Variants in EHHADH observed in about 807,000 individuals in gnomAD.
EHHADH encodes peroxisomal bifunctional enzyme.
A neutral mutation model predicts 64.4 loss-of-function variants in EHHADH; 48 were observed. The ratio of observed to expected loss-of-function variants is 0.75; its 90% confidence interval spans 0.59 to 0.95. The LOEUF is 0.95. EHHADH is among the 40% of genes least tolerant of loss of function. The pLI, the probability that EHHADH is intolerant of heterozygous loss-of-function variation, is 0.00. For synonymous variants in EHHADH, 308 were observed against 326.7 expected, an observed-to-expected ratio of 0.94 and a Z score of 0.62; for missense variants, 854 against 876.6, an observed-to-expected ratio of 0.97 and a Z score of 0.33.
In EHHADH at chr3:185,248,414, C is replaced by T; in HGVS notation, c.178G>A (p.Gly60Ser). ...ICGAEGKFSA[G>S]ADIRGFSAPR... ...TGGGAGAGGGTTAGACTTGAGTTAC[C>T]TGCAGAAAATTTGCCCTCTGCTCCA... Residue 60 changes from glycine (G) to serine (S), a missense_variant and splice_region_variant, in exon 2 of 7, where the codon GGT becomes AGT. Transcript: ENST00000231887. 6.2e-7 allele frequency: 1 copy of T among 1,609,862 alleles called. No homozygotes were observed. Among genetic ancestry groups the T allele is most frequent in the African/African-American group, 1.3e-5 (1 of 74,938 alleles).
At chr3:185,235,179 C>CA in intron 3 of EHHADH, 111 bp downstream of exon 3, 8 of 1,156,114 alleles carry the variant, frequency 6.9e-6, no homozygotes, top group Non-Finnish European at 7.1e-6. Flanking sequence ...GACTCCATCT[C>CA]AAAAAAACAA....
At chr3:185,245,839 A>G in intron 2 of EHHADH, 1 of 868,960 alleles carries the variant, frequency 1.2e-6, no homozygotes, top group Admixed American at 1.9e-5. Flanking sequence ...GAGGTTGCAT[A>G]ACGAATTTCT....
At chr3:185,251,514 A>G (rs191768850) in intron 1 of EHHADH, among the ~76,000 whole-genome samples, 101 of 152,294 alleles carry the variant, frequency 6.6e-4, no homozygotes, top group African/African-American at 2.3e-3. Flanking sequence ...CTATACTTAT[A>G]AAGAGGGCTG....
intron 5 of EHHADH, among the ~76,000 whole-genome samples, chr3:185,214,390 G>A (rs922286000): frequency 3.9e-5 from 6 of 152,102 alleles, no homozygotes; most frequent in African/African-American, 9.7e-5. Context: ...TTAAGGTCCC[G>A]TAGCTAAAGC....
rs1402073749 is a variant in EHHADH, at chr3:185,191,530, T to C, written c.*696A>G. 6.6e-6 allele frequency: 1 copy of C among 152,234 alleles called. No individual in the cohort carries two copies. Among genetic ancestry groups the C allele is most frequent in the Non-Finnish European group, 1.5e-5 (1 of 68,044 alleles). 9.4% of individuals were successfully genotyped at this position (152,234 alleles called of 1,614,324 possible). The stretch of plus-strand genomic sequence containing the variant: ...TTTTAGATTTTTCAAGATTCAACCA[T>C]TTCCATATGTAACATCACAGAGGCT... On this transcript the variant is annotated 3_prime_UTR_variant, in exon 7 of 7. Transcript: ENST00000231887.
intron 4 of EHHADH, among the ~76,000 whole-genome samples, chr3:185,228,734 G>C (rs1719069710): frequency 6.6e-6 from 1 of 152,074 alleles, no homozygotes; most frequent in African/African-American, 2.4e-5. Flanking sequence ...CTTAATACTT[G>C]CCAGTGAAAA....
chr3:185,227,289 T>C (rs1719002522), intron 4 of EHHADH, among the ~76,000 whole-genome samples: 1 of 152,238 alleles, frequency 6.6e-6, no homozygotes, highest in African/African-American at 2.4e-5. Context: ...TCCCAGCACT[T>C]TGGGGGGCCA....
intron 3 of EHHADH, among the ~76,000 whole-genome samples, chr3:185,234,138 A>G (rs1007196364): frequency 1.3e-5 from 2 of 152,188 alleles, no homozygotes; most frequent in Admixed American, 6.5e-5. Context: ...TATTTTCATC[A>G]TTAGAAAAAT....
At chr3:185,249,193 A>G (rs1719677254) in intron 1 of EHHADH, among the ~76,000 whole-genome samples, 1 of 151,674 alleles carries the variant, frequency 6.6e-6, no homozygotes, top group Non-Finnish European at 1.5e-5. Context: ...CAGTGGCGCG[A>G]TCTGGGCTCA....
intron 1 of EHHADH, 33 bp downstream of exon 1, chr3:185,253,916 G>A (rs758357004): frequency 1.2e-6 from 2 of 1,612,482 alleles, no homozygotes; most frequent in Non-Finnish European, 8.5e-7. Context: ...AGGCCCGCAC[G>A]GTCCCCGGGC....
intron 5 of EHHADH, among the ~76,000 whole-genome samples, chr3:185,217,641 CGG>C (rs1718720006): frequency 1.3e-5 from 2 of 151,996 alleles, no homozygotes; most frequent in African/African-American, 4.8e-5. Flanking sequence ...CGTTCAACCA[CGG>C]GTAAAAGCTC....
intron 5 of EHHADH, among the ~76,000 whole-genome samples, chr3:185,210,251 T>C (rs1008407862): frequency 6.6e-6 from 1 of 152,162 alleles, no homozygotes; most frequent in Non-Finnish European, 1.5e-5. Context: ...ACACATCAGA[T>C]TTATTTGAAG....
chr3:185,228,257 A>AAATATATATATATAT (rs1367786172), intron 4 of EHHADH, among the ~76,000 whole-genome samples: 2 of 21,994 alleles, frequency 9.1e-5, no homozygotes, highest in Non-Finnish European at 2.1e-4. Flanking sequence ...AAAAAAAAAA[A>AAATATATATATATAT]ATATATATAT....
chr3:185,248,440 C>A lies in EHHADH; in HGVS notation c.152G>T (p.Cys51Phe), dbSNP rs1173345552. The A allele has an allele frequency of 6.2e-7, 1 of 1,614,136 alleles. No individual in the cohort carries two copies. Among genetic ancestry groups the A allele is most frequent in the East Asian group, 2.2e-5 (1 of 44,868 alleles). The change falls in exon 2 of 7, where the codon TGT becomes TTT. Residue 51 changes from cysteine (C) to phenylalanine (F), a missense_variant. By Grantham distance (205) the Cys-to-Phe change is radical. Coordinates refer to ENST00000231887, the MANE Select transcript of EHHADH (RefSeq NM_001966.4). Reference sequence around the variant, plus strand: ...TGCAGAAAATTTGCCCTCTGCTCCACAAATCACAATGGCTTTTATTGTATG... The same window carrying A: ...TGCAGAAAATTTGCCCTCTGCTCCAAAAATCACAATGGCTTTTATTGTATG... The part of the protein sequence containing the change: ...IDHTIKAIVI[C>F]GAEGKFSAGA...
Position 185,193,327 on chromosome 3 carries a change from A to G in EHHADH, c.1071T>C (p.Pro357=). The change falls in exon 7 of 7, where the codon CCT becomes CCC. Residue 357 remains proline, a synonymous_variant. Coordinates refer to ENST00000231887, the MANE Select transcript of EHHADH (RefSeq NM_001966.4). ...TTAACCTGGGTTTTGGTCCTGACCA[A>G]GGGTGGCCGCTCTGTTGCATTTTGG... ...EASKMQQSGH[P]WSGPKPRLTS... 6.2e-7 allele frequency: 1 copy of G among 1,613,678 alleles called. No homozygotes were observed. The highest frequency in any genetic ancestry group is 8.5e-7 in the Non-Finnish European group (1 of 1,179,804).
intron 6 of EHHADH, among the ~76,000 whole-genome samples, chr3:185,203,030 A>T (rs1445744837): frequency 6.6e-6 from 1 of 151,998 alleles, no homozygotes; most frequent in Non-Finnish European, 1.5e-5. Context: ...AAAGGATATA[A>T]ATATATTTAT....
chr3:185,209,363 A>G (rs1177094373), intron 5 of EHHADH, among the ~76,000 whole-genome samples: 1 of 152,228 alleles, frequency 6.6e-6, no homozygotes, highest in East Asian at 1.9e-4. Context: ...TTAAAAAATA[A>G]CTTTACAGAA....
chr3:185,222,655 C>T (rs989936390), intron 4 of EHHADH, among the ~76,000 whole-genome samples: 1 of 152,130 alleles, frequency 6.6e-6, no homozygotes, highest in Admixed American at 6.5e-5. Flanking sequence ...ATATTACAGT[C>T]TCTGGAAAAT....
At chr3:185,226,156 TAGG>T (rs1718967449) in intron 4 of EHHADH, among the ~76,000 whole-genome samples, 1 of 152,058 alleles carries the variant, frequency 6.6e-6, no homozygotes. Context: ...GCATAGCCAA[TAGG>T]AGAGTTTAGA....
Sources: allele counts gnomAD v4.1 joint callset (sites outside exome capture counted in the v4.1 genomes callset), GRCh38; gene constraint gnomAD v4.1.1; transcripts MANE v1.5; gene names NCBI Gene and HGNC (gene_info 2026-07-23, HGNC 2026-07-21).